BMP2K: variants seen among roughly 807,000 people sequenced by gnomAD.
BMP2K encodes the protein BMP-2-inducible protein kinase.
In BMP2K, 74 loss-of-function variants were observed where a neutral mutation model predicts 116.0. The ratio of observed to expected loss-of-function variants is 0.64; its 90% CI spans 0.53 to 0.77. The LOEUF (loss-of-function observed/expected upper bound fraction) is 0.77. Among genes scored for constraint, BMP2K ranks in the 30% least tolerant of loss-of-function variants. BMP2K has a pLI of 0.00. For synonymous variants in BMP2K, 486 were observed against 502.5 expected (o/e 0.97, Z 0.44); for missense variants, 1,365 against 1,403.6 (o/e 0.97, Z 0.44).
intron 1 of BMP2K, among the ~76,000 whole-genome samples, chr4:78,817,908 C>A (rs1293763514): frequency 6.6e-6 from 1 of 152,012 alleles, no homozygotes; most frequent in Non-Finnish European, 1.5e-5. Context: ...AGCTCTGTAC[C>A]AGAAACTAGG....
intron 3 of BMP2K, among the ~76,000 whole-genome samples, chr4:78,836,765 A>T (rs982503689): frequency 6.6e-6 from 1 of 152,350 alleles, no homozygotes. Context: ...TAGCTAAAAC[A>T]TTATAGGTTG....
intron 15 of BMP2K, chr4:78,888,077 G>A (rs977155601): frequency 3.3e-5 from 5 of 152,192 alleles, no homozygotes; most frequent in Non-Finnish European, 5.9e-5. Context: ...AAAGCCAAAA[G>A]AAGAATTGAG....
At chr4:78,879,146 C>G in intron 14 of BMP2K, 1 of 1,170,820 alleles carries the variant, frequency 8.5e-7, no homozygotes, top group Non-Finnish European at 1.1e-6. Context: ...TATTGCATAT[C>G]TATGAATGTT....
chr4:78,864,949 C>CTT (rs1343598976), intron 9 of BMP2K, among the ~76,000 whole-genome samples: 2 of 152,102 alleles, frequency 1.3e-5, no homozygotes, highest in African/African-American at 4.8e-5. Context: ...GTGTTTACTG[C>CTT]TTAACCACTC....
intron 1 of BMP2K, among the ~76,000 whole-genome samples, chr4:78,818,921 T>A (rs1729487441): frequency 6.6e-6 from 1 of 151,900 alleles, no homozygotes; most frequent in Admixed American, 6.6e-5. Context: ...TTCCGCCTCC[T>A]GAGTTGTTGG....
chr4:78,833,743 C>G, intron 3 of BMP2K, 56 bp downstream of exon 3: 1 of 1,168,248 alleles, frequency 8.6e-7, no homozygotes. Flanking sequence ...AAATGGGTTA[C>G]TAGGTATCTT....
At chr4:78,900,780 G>T (rs975995459) in intron 15 of BMP2K, among the ~76,000 whole-genome samples, 25 of 152,062 alleles carry the variant, frequency 1.6e-4, no homozygotes, top group African/African-American at 5.8e-4. Context: ...TTGATTTCTG[G>T]GAAAGTTAAA....
Position 78,887,185 on chromosome 4 carries a change from G to A in BMP2K, c.1963G>A (p.Glu655Lys). 1.2e-6 allele frequency: 2 copies of A among 1,605,320 alleles called. No individual in the cohort carries two copies. The highest frequency in any genetic ancestry group is 1.7e-6 in the Non-Finnish European group (2 of 1,175,226). Residue 655 changes from glutamate (E) to lysine (K), a missense_variant, in exon 15 of 16, where the codon GAG (glutamate) becomes AAG (lysine). Coordinates refer to ENST00000502613, the MANE Select transcript of BMP2K (RefSeq NM_198892.2). Reference protein sequence around the residue: ...FDLLRSNRLEERASSDKNVDS... With the variant: ...FDLLRSNRLEKRASSDKNVDS... The stretch of plus-strand genomic sequence containing the variant: ...TCTTATTTTTGCAGATAGGCTCGAG[G>A]AGAGAGCATCCTCAGATAAGAATGT...
intron 15 of BMP2K, among the ~76,000 whole-genome samples, chr4:78,899,721 G>A (rs939411355): frequency 2.6e-5 from 4 of 152,066 alleles, no homozygotes; most frequent in Admixed American, 1.3e-4. Flanking sequence ...ACAGGGTTAG[G>A]GTGACTGGAA....
At chr4:78,841,966 A>G (rs1370331437) in intron 3 of BMP2K, among the ~76,000 whole-genome samples, 1 of 152,062 alleles carries the variant, frequency 6.6e-6, no homozygotes, top group Non-Finnish European at 1.5e-5. Flanking sequence ...TTATTATGAT[A>G]TATAATTATT....
At chr4:78,822,373 A>G (rs1729661709) in intron 1 of BMP2K, among the ~76,000 whole-genome samples, 1 of 152,168 alleles carries the variant, frequency 6.6e-6, no homozygotes, top group African/African-American at 2.4e-5. Context: ...GCTGAAAATT[A>G]CTGCTCTTTA....
intron 15 of BMP2K, chr4:78,906,224 C>G (rs141152576): frequency 4.6e-5 from 7 of 152,160 alleles, no homozygotes; most frequent in Non-Finnish European, 7.4e-5. Context: ...CATTACTGCT[C>G]TTTACTTTTT....
chr4:78,891,945 A>G (rs1409691030), intron 15 of BMP2K, among the ~76,000 whole-genome samples: 1 of 152,300 alleles, frequency 6.6e-6, no homozygotes, highest in African/African-American at 2.4e-5. Context: ...CCAAACCGAC[A>G]CTGAATTTCT....
intron 15 of BMP2K, among the ~76,000 whole-genome samples, chr4:78,891,643 C>A (rs1362562919): frequency 6.6e-6 from 1 of 152,102 alleles, no homozygotes; most frequent in Non-Finnish European, 1.5e-5. Flanking sequence ...TTGCAAATAA[C>A]ATATTATTGG....
intron 1 of BMP2K, among the ~76,000 whole-genome samples, chr4:78,791,230 A>G (rs545988478): frequency 7.9e-4 from 121 of 152,282 alleles, no homozygotes; most frequent in Non-Finnish European, 1.7e-3. Flanking sequence ...AATGGTTCTC[A>G]AAGTGTGGTA....
chr4:78,803,559 A>G (rs763655739), intron 1 of BMP2K, among the ~76,000 whole-genome samples: 1 of 151,896 alleles, frequency 6.6e-6, no homozygotes, highest in Non-Finnish European at 1.5e-5. Context: ...TTGTATTTTT[A>G]GTAGAGATGG....
chr4:78,807,173 T>C (rs1728862323), intron 1 of BMP2K, among the ~76,000 whole-genome samples: 2 of 152,130 alleles, frequency 1.3e-5, no homozygotes, highest in African/African-American at 4.8e-5. Flanking sequence ...TATTTTCAAA[T>C]TTTTTCCCTG....
rs767449136 is a variant in BMP2K, at chr4:78,910,975, A to G, written c.2428A>G (p.Lys810Glu). 1.9e-6 allele frequency: 3 copies of G among 1,613,656 alleles called. No individual in the cohort carries two copies. Residue 810 changes from lysine to glutamate, a missense_variant, in exon 16 of 16, where the codon AAA becomes GAA. Lys to Glu is a moderately conservative substitution (Grantham distance 56). Coordinates refer to ENST00000502613, the MANE Select transcript of BMP2K (RefSeq NM_198892.2). Reference sequence around the variant, plus strand: ...CTCTGATTCTGATTATGAGCAGGCTAAAGCAAAGTACAGTGACATGAGCTC... The same window carrying G: ...CTCTGATTCTGATTATGAGCAGGCTGAAGCAAAGTACAGTGACATGAGCTC... ...HSSDSDYEQA[K>E]AKYSDMSSVY... is the part of the protein sequence containing the mutation.
At chr4:78,854,713 C>G (rs796953296) in intron 7 of BMP2K, among the ~76,000 whole-genome samples, 2 of 152,200 alleles carry the variant, frequency 1.3e-5, no homozygotes, top group African/African-American at 4.8e-5. Context: ...TTTCAATACC[C>G]ATATTGTGGG....
Sources: gnomAD v4.1 joint callset for allele counts (sites outside exome capture counted in the v4.1 genomes callset) on GRCh38, gnomAD v4.1.1 for gene constraint, MANE v1.5 for transcripts, NCBI Gene and HGNC (gene_info 2026-07-23, HGNC 2026-07-21) for gene names.